DISC1: variants seen among roughly 807,000 people sequenced by gnomAD.
DISC1 encodes the protein DISC1 scaffold protein, also known as disrupted in schizophrenia 1 protein.
In DISC1, 57 loss-of-function variants were observed where a neutral mutation model predicts 84.5. The observed-to-expected ratio is 0.67, with a 90% CI of 0.55 to 0.84. DISC1 has a LOEUF of 0.84. Ranked by LOEUF, DISC1 falls within the 40% of genes least tolerant of loss-of-function variation. The probability of loss-of-function intolerance (pLI) is 0.00; values close to 1 mark genes in which losing one functional copy is unlikely to be tolerated. For synonymous variants in DISC1, 411 were observed against 415.2 expected (o/e 0.99, Z 0.12); for missense variants, 1,000 against 1,057.8 (o/e 0.95, Z 0.76).
chr1:231,686,294 C>T (rs2064267374), intron 1 of DISC1, among the ~76,000 whole-genome samples: 1 of 152,246 alleles, frequency 6.6e-6, no homozygotes, highest in Non-Finnish European at 1.5e-5. Flanking sequence ...AGAGATTCTC[C>T]ATGAGTGCCC....
intron 3 of DISC1, among the ~76,000 whole-genome samples, chr1:231,704,626 G>A (rs1053174956): frequency 7.2e-5 from 11 of 151,842 alleles, no homozygotes; most frequent in Non-Finnish European, 1.3e-4. Context: ...CGGGCGTGGT[G>A]GCAGGCGCCT....
At chr1:231,987,632 C>A (rs1207516884) in intron 10 of DISC1, among the ~76,000 whole-genome samples, 1 of 152,118 alleles carries the variant, frequency 6.6e-6, no homozygotes, top group African/African-American at 2.4e-5. Context: ...ACAAGAAGGA[C>A]CCAGGTACCT....
rs1387756123 is a variant in DISC1, at chr1:231,958,840, A to G, written c.1994A>G (p.Lys665Arg). 1 of 1,613,810 alleles carries G rather than the reference A, an allele frequency of 6.2e-7. No homozygotes were observed. The change falls in exon 10 of 13, where the codon AAG becomes AGG. Residue 665 changes from lysine to arginine, a missense_variant. Lys to Arg is a conservative substitution (Grantham distance 26). This residue lies in a region of DISC1 where 397 missense variants were observed against 377.5 expected (regional missense o/e 1.05). Coordinates refer to ENST00000439617, the MANE Select transcript of DISC1 (RefSeq NM_018662.3). ...TTTTTTCCCCCAGAAACAAGTGTGA[A>G]GGAAAATACTATGAAGTACATGGAA... ...HQETAYETSV[K>R]ENTMKYMETL...
intron 1 of DISC1, among the ~76,000 whole-genome samples, chr1:231,667,335 A>T (rs2062115045): frequency 6.6e-6 from 1 of 152,188 alleles, no homozygotes; most frequent in South Asian, 2.1e-4. Context: ...TTTAAATTGC[A>T]GACTCAGGGC....
Position 231,884,357 on chromosome 1 carries a change from C to T in DISC1, c.1981+65840C>T, listed in dbSNP as rs558846994. Reference sequence around the variant, plus strand: ...GCGAGAACGTGCAGTATTTGGTTTTCTGTTACTGCATTAATTTGCTTAGGA... The same window carrying T: ...GCGAGAACGTGCAGTATTTGGTTTTTTGTTACTGCATTAATTTGCTTAGGA... On this transcript the variant is annotated intron_variant, in intron 9 of 12. Transcript: ENST00000439617. Among the ~76,000 whole-genome samples the T allele has an allele frequency of 7.2e-5, 11 of 152,302 alleles. 1 individual carries two copies. The highest frequency in any genetic ancestry group is 2.6e-4 in the African/African-American group (11 of 41,572).
intron 8 of DISC1, among the ~76,000 whole-genome samples, chr1:231,806,760 C>T (rs1173769900): frequency 6.6e-6 from 1 of 152,272 alleles, no homozygotes. Context: ...GCTCTTTAAC[C>T]TCTGTGCTGC....
In DISC1 at chr1:231,630,844, G is replaced by A. The variant is rs1361129887; in HGVS notation, c.67+3910G>A. ...CTCTTGAGCGAAGACTTTGCAATGA[G>A]CTTTCAAATGTTCACACCAAGTAGA... On this transcript the variant is annotated intron_variant, in intron 1 of 12. Transcript: ENST00000439617. This position sits in a 1 kb window ranked among gnomAD's most constrained non-coding sequence, Gnocchi z 4.4. Among the ~76,000 whole-genome samples the A allele has an allele frequency of 6.6e-6, 1 of 152,140 alleles. No individual in the cohort carries two copies. Among genetic ancestry groups the A allele is most frequent in the African/African-American group, 2.4e-5 (1 of 41,426 alleles).
chr1:231,642,376 G>C (rs910487169), intron 1 of DISC1, among the ~76,000 whole-genome samples: 1 of 152,168 alleles, frequency 6.6e-6, no homozygotes, highest in Non-Finnish European at 1.5e-5. Flanking sequence ...CGGGCGGAAG[G>C]GCTCCTCAAG....
At chr1:231,858,272 C>T (rs2084403750) in intron 9 of DISC1, among the ~76,000 whole-genome samples, 1 of 152,228 alleles carries the variant, frequency 6.6e-6, no homozygotes, top group African/African-American at 2.4e-5. Context: ...GGGCCACCTG[C>T]CCCAGCAGGT....
intron 3 of DISC1, among the ~76,000 whole-genome samples, chr1:231,745,199 C>T (rs955589729): frequency 1.3e-5 from 2 of 151,828 alleles, no homozygotes; most frequent in Admixed American, 1.3e-4. Flanking sequence ...GGGTAATTAG[C>T]ATATCCTTCA....
intron 9 of DISC1, among the ~76,000 whole-genome samples, chr1:231,877,757 C>T (rs1395368548): frequency 1.3e-5 from 2 of 152,150 alleles, no homozygotes; most frequent in East Asian, 1.9e-4. Flanking sequence ...CTCCATGTAA[C>T]TTTGCATGGT....
At chr1:231,996,369 T>G (rs1031751406) in intron 10 of DISC1, among the ~76,000 whole-genome samples, 16 of 152,144 alleles carry the variant, frequency 1.1e-4, no homozygotes, top group African/African-American at 3.9e-4. Flanking sequence ...GTCAATTTTG[T>G]CTTTTGTTGC....
At chr1:231,634,655 C>T (rs764597231) in intron 1 of DISC1, among the ~76,000 whole-genome samples, 13 of 152,214 alleles carry the variant, frequency 8.5e-5, no homozygotes, top group Non-Finnish European at 1.2e-4. Context: ...GAGACATTAA[C>T]TTATCCATTA....
At chr1:231,879,503 T>C (rs990477672) in intron 9 of DISC1, among the ~76,000 whole-genome samples, 1 of 151,872 alleles carries the variant, frequency 6.6e-6, no homozygotes, top group Middle Eastern at 3.2e-3. Context: ...CCATATGGCC[T>C]CCTGTGAGCA....
chr1:231,800,110 G>A lies in DISC1; in HGVS notation c.1692G>A (p.Val564=), dbSNP rs1466619030. 1.2e-6 allele frequency: 2 copies of A among 1,608,272 alleles called. No homozygotes were observed. Among genetic ancestry groups the A allele is most frequent in the African/African-American group, 2.7e-5 (2 of 74,376 alleles). ...CCTGGTCATTTCTCTCCCCCTAGGT[G>A]TGTATGAGTGAGAAATTCTGCAGCA... ...NLSLKEITTK[V]CMSEKFCSTL... Residue 564 remains valine (V), a splice_region_variant and synonymous_variant, in exon 8 of 13, where the codon GTG becomes GTA. Transcript: ENST00000439617.
chr1:231,750,288 A>C (rs1324090821), intron 4 of DISC1: 12 of 1,370,864 alleles, frequency 8.8e-6, no homozygotes, highest in Admixed American at 3.3e-5. Flanking sequence ...CTTTTCTGCC[A>C]CTTGACAGAG....
At chr1:231,831,174 A>G (rs2082195699) in intron 9 of DISC1, among the ~76,000 whole-genome samples, 1 of 152,182 alleles carries the variant, frequency 6.6e-6, no homozygotes, top group Non-Finnish European at 1.5e-5. Context: ...AGTCCTGGGC[A>G]GGGGCAAATC....
At chr1:231,666,606 A>G (rs199973790) in intron 1 of DISC1, among the ~76,000 whole-genome samples, 2 of 152,250 alleles carry the variant, frequency 1.3e-5, no homozygotes, top group Non-Finnish European at 2.9e-5. Context: ...AGAAGCCAAC[A>G]GACACAGGCC....
Position 231,626,897 on chromosome 1 carries a change from A to C in DISC1, c.30A>C (p.Pro10=). 2 of 1,501,822 alleles carry C rather than the reference A, an allele frequency of 1.3e-6. No homozygotes were observed. The highest frequency in any genetic ancestry group is 8.8e-7 in the Non-Finnish European group (1 of 1,133,948). The allele number at this position is 1,501,822 out of a possible 1,614,324, so 93.0% of individuals were successfully genotyped here. MPGGGPQGA[P]AAAGGGGVSH... The stretch of plus-strand genomic sequence containing the variant: ...CAGGCGGGGGTCCTCAGGGCGCCCC[A>C]GCCGCCGCCGGCGGCGGCGGCGTGA... Residue 10 remains proline, a synonymous_variant, in exon 1 of 13, where the codon CCA becomes CCC. Transcript: ENST00000439617.
Sources: allele counts gnomAD v4.1 joint callset (sites outside exome capture counted in the v4.1 genomes callset), GRCh38; gene constraint gnomAD v4.1.1; regional missense constraint gnomAD v4.1.1; non-coding constraint Gnocchi (gnomAD v3.1); transcripts MANE v1.5; gene names NCBI Gene and HGNC (gene_info 2026-07-23, HGNC 2026-07-21).